The following NCOA6 variants were observed in gnomAD, a reference collection of about 807,000 sequenced individuals.
NCOA6 encodes NRC RAP250.
Under a neutral mutation model 171.4 loss-of-function variants are expected in NCOA6, and 49 were observed. That is an observed-to-expected ratio of 0.29 (90% CI 0.23 to 0.36). The LOEUF is 0.36. Among genes scored for constraint, NCOA6 ranks in the 10% least tolerant of loss-of-function variants. The probability of loss-of-function intolerance (pLI) is 1.00; values close to 1 mark genes in which losing one functional copy is unlikely to be tolerated. For missense variants in NCOA6, 2,248 were observed against 2,554.5 expected (o/e 0.88, Z 2.59); for synonymous variants, 910 against 927.5 (o/e 0.98, Z 0.34).
intron 1 of NCOA6, among the ~76,000 whole-genome samples, chr20:34,794,929 TA>T (rs1039500153): frequency 8.6e-5 from 13 of 150,592 alleles, no homozygotes; most frequent in Admixed American, 7.3e-4. Context: ...TGAAAAACTT[TA>T]AAAAAAAACA....
chr20:34,801,659 G>A (rs957287836), intron 1 of NCOA6, among the ~76,000 whole-genome samples: 1 of 152,068 alleles, frequency 6.6e-6, no homozygotes, highest in African/African-American at 2.4e-5. Flanking sequence ...AACCTGAACA[G>A]ACCAGTAACA....
At chr20:34,759,000 T>C in intron 5 of NCOA6, 67 bp from the exon 6 acceptor site, 7 of 1,505,088 alleles carry the variant, frequency 4.7e-6, no homozygotes, top group Non-Finnish European at 6.4e-6. Context: ...ATGAGTTATT[T>C]CAAGAATATG....
In NCOA6 at chr20:34,727,409, T is replaced by C. The variant is rs762703030; in HGVS notation, c.6000-2A>G. ...TCAACTATCTCTTTGGGCTCACTGC[T>C]GACAGAGGGAAGCAAAAAGTTTCCA... On this transcript the variant is annotated splice_acceptor_variant, in intron 13 of 14. Coordinates refer to ENST00000359003, the MANE Select transcript of NCOA6 (RefSeq NM_014071.5). LOFTEE classifies it high-confidence loss of function. 2.5e-6 allele frequency: 4 copies of C among 1,613,232 alleles called. No individual in the cohort carries two copies. The highest frequency in any genetic ancestry group is 3.4e-6 in the Non-Finnish European group (4 of 1,180,016).
intron 1 of NCOA6, among the ~76,000 whole-genome samples, chr20:34,799,787 C>T (rs1460476889): frequency 6.6e-6 from 1 of 152,028 alleles, no homozygotes; most frequent in Non-Finnish European, 1.5e-5. Context: ...TAAAGACTTT[C>T]CCAAACAAAA....
rs765195416 is a variant in NCOA6 at position 34,743,296 on chromosome 20, G to A, written c.2960C>T (p.Pro987Leu). Reference protein sequence around the residue: ...PVEQRPLQQMPPQLMQHVAPP... With the variant: ...PVEQRPLQQMLPQLMQHVAPP... Reference sequence around the variant, plus strand: ...TGCCACATGCTGCATGAGTTGAGGAGGCATCTGCTGAAGTGGCCTCTGTTC... The same window carrying A: ...TGCCACATGCTGCATGAGTTGAGGAAGCATCTGCTGAAGTGGCCTCTGTTC... Residue 987 changes from proline (P) to leucine (L), a missense_variant, in exon 11 of 15, where the codon CCT becomes CTT. This residue lies in a region of NCOA6 where 352 missense variants were observed against 419.1 expected (regional missense o/e 0.84). Coordinates refer to ENST00000359003, the MANE Select transcript of NCOA6 (RefSeq NM_014071.5). The A allele has an allele frequency of 1.2e-6, 2 of 1,613,144 alleles. No individual in the cohort carries two copies. The highest frequency in any genetic ancestry group is 3.3e-5 in the Admixed American group (2 of 59,984).
intron 1 of NCOA6, among the ~76,000 whole-genome samples, chr20:34,812,114 G>C (rs1043661509): frequency 1.3e-5 from 2 of 152,046 alleles, no homozygotes; most frequent in African/African-American, 4.8e-5. Context: ...TTAGCTGGGC[G>C]TGGTGGCATG....
At chr20:34,771,144 G>T (rs962647645) in intron 4 of NCOA6, among the ~76,000 whole-genome samples, 3 of 152,030 alleles carry the variant, frequency 2.0e-5, no homozygotes, top group African/African-American at 7.2e-5. Context: ...TTGAAACAGG[G>T]TCTCACTCTG....
Position 34,823,579 on chromosome 20 carries a change from C to G in NCOA6, c.-164+1893G>C, listed in dbSNP as rs573313326. Among the ~76,000 whole-genome samples, 3 of 152,310 alleles carry G rather than the reference C, an allele frequency of 2.0e-5. No homozygotes were observed. The South Asian group carries it at 6.2e-4, about 32-fold the overall frequency. On this transcript the variant is annotated intron_variant, in intron 1 of 14. Coordinates refer to ENST00000359003, the MANE Select transcript of NCOA6 (RefSeq NM_014071.5). ...GCCCATGCGAACTTTGAATTCTTCT[C>G]TAACATGATCCAACTTCAATTAATA...
chr20:34,721,545 AT>A (rs1427455192), intron 14 of NCOA6, among the ~76,000 whole-genome samples: 6 of 152,108 alleles, frequency 3.9e-5, no homozygotes, highest in Non-Finnish European at 7.4e-5. Context: ...CATTAGTTAG[AT>A]TCTTATAAGG....
At chr20:34,752,146 C>T (rs1459218158) in intron 8 of NCOA6, among the ~76,000 whole-genome samples, 1 of 152,128 alleles carries the variant, frequency 6.6e-6, no homozygotes, top group Non-Finnish European at 1.5e-5. Flanking sequence ...GCTGAGCCAC[C>T]GCACTTGGCC....
At chr20:34,739,084 AAGGGAAGG>A (rs2076050300) in intron 11 of NCOA6, among the ~76,000 whole-genome samples, 1 of 152,164 alleles carries the variant, frequency 6.6e-6, no homozygotes, top group Non-Finnish European at 1.5e-5. Context: ...GGAAGGGAAG[AAGGGAAGG>A]AGGGGCGGTT....
Position 34,808,825 on chromosome 20 carries a change from G to C in NCOA6, c.-163-16262C>G, listed in dbSNP as rs549394417. Among the ~76,000 whole-genome samples, 99 of 152,274 alleles carry C rather than the reference G, an allele frequency of 6.5e-4. 1 individual carries two copies. Among genetic ancestry groups the C allele is most frequent in the African/African-American group, 2.2e-3 (93 of 41,550 alleles). ...AGGGCAATCAAATCACAATCTGCTG[G>C]GGAAGGGAAAGGGACAATGGCATCA... On this transcript the variant is annotated intron_variant, in intron 1 of 14. Coordinates refer to ENST00000359003, the MANE Select transcript of NCOA6 (RefSeq NM_014071.5).
At chr20:34,745,863 T>G (rs894411409) in intron 10 of NCOA6, among the ~76,000 whole-genome samples, 1 of 152,208 alleles carries the variant, frequency 6.6e-6, no homozygotes, top group African/African-American at 2.4e-5. Flanking sequence ...TGAATTAATT[T>G]TAGGAGCTTT....
intron 1 of NCOA6, among the ~76,000 whole-genome samples, chr20:34,801,712 A>G (rs956126720): frequency 6.6e-6 from 1 of 152,194 alleles, no homozygotes; most frequent in African/African-American, 2.4e-5. Context: ...TAAAAATACA[A>G]AAATTAGCCA....
chr20:34,796,187 A>C (rs1260453089), intron 1 of NCOA6, among the ~76,000 whole-genome samples: 1 of 151,370 alleles, frequency 6.6e-6, no homozygotes, highest in Admixed American at 6.6e-5. Context: ...TTTTTTGATT[A>C]TTTGTAGAGA....
intron 4 of NCOA6, among the ~76,000 whole-genome samples, chr20:34,772,307 T>C (rs1312754716): frequency 1.3e-5 from 2 of 150,590 alleles, no homozygotes; most frequent in Non-Finnish European, 2.9e-5. Context: ...CAGTGAGACT[T>C]TGTCTCAAAA....
At position 34,758,749 on chromosome 20, in the gene NCOA6, A is replaced by C. The variant is rs984337012; in HGVS notation, c.643+56T>G. 2.6e-6 allele frequency: 4 copies of C among 1,558,602 alleles called. No homozygotes were observed. In the African/African-American group the frequency reaches 5.8e-5, roughly 23 times the overall value. Reference sequence around the variant, plus strand: ...AGCATCAGAGATAACTGAATTTTATAATGATCTGTGCAGAAAGTTTCAGAC... The same window carrying C: ...AGCATCAGAGATAACTGAATTTTATCATGATCTGTGCAGAAAGTTTCAGAC... On this transcript the variant is annotated intron_variant, in intron 6 of 14. Transcript: ENST00000359003.
intron 9 of NCOA6, 137 bp downstream of exon 9, chr20:34,749,266 T>G (rs1482418131): frequency 9.1e-7 from 1 of 1,099,210 alleles, no homozygotes; most frequent in Non-Finnish European, 1.3e-6. Context: ...CAAGACAGAC[T>G]ATGAGTTGAT....
At chr20:34,805,441 A>G (rs1420932089) in intron 1 of NCOA6, among the ~76,000 whole-genome samples, 1 of 152,142 alleles carries the variant, frequency 6.6e-6, no homozygotes, top group Admixed American at 6.6e-5. Context: ...TTCACTTAAC[A>G]TAATGTCCTC....
Sources: allele counts gnomAD v4.1 joint callset (sites outside exome capture counted in the v4.1 genomes callset), GRCh38; gene constraint gnomAD v4.1.1; regional missense constraint gnomAD v4.1.1; transcripts MANE v1.5; gene names NCBI Gene and HGNC (gene_info 2026-07-23, HGNC 2026-07-21).